The following PTPRN2 variants were observed in gnomAD, a reference collection of about 807,000 sequenced individuals.
PTPRN2 encodes protein tyrosine phosphatase receptor type N2, also known as receptor-type tyrosine-protein phosphatase N2.
In PTPRN2, 74 loss-of-function variants were observed where a neutral mutation model predicts 118.8. The observed-to-expected ratio is 0.62, with a 90% CI of 0.52 to 0.76. The LOEUF is 0.76. PTPRN2 is among the 30% of genes least tolerant of loss of function. The pLI, the probability that PTPRN2 is intolerant of heterozygous loss-of-function variation, is 0.00. For missense variants in PTPRN2, 1,481 were observed against 1,394.4 expected (o/e 1.06, Z -0.99); for synonymous variants, 641 against 608.0 (o/e 1.05, Z -0.80).
At chr7:158,200,350 C>A (rs901043787) in intron 4 of PTPRN2, among the ~76,000 whole-genome samples, 2 of 152,206 alleles carry the variant, frequency 1.3e-5, no homozygotes, top group African/African-American at 4.8e-5. Context: ...CAACAATCCA[C>A]TAATGATGGA....
chr7:158,067,309 C>T (rs567455157), intron 11 of PTPRN2, among the ~76,000 whole-genome samples: 14 of 152,340 alleles, frequency 9.2e-5, no homozygotes, highest in African/African-American at 1.9e-4. Flanking sequence ...GCCGCTGCTC[C>T]GGCCAGCAGG....
At chr7:157,577,205 C>T (rs1800103622) in intron 18 of PTPRN2, among the ~76,000 whole-genome samples, 1 of 152,222 alleles carries the variant, frequency 6.6e-6, no homozygotes, top group Non-Finnish European at 1.5e-5. Flanking sequence ...CGCAGCTGCG[C>T]ACACCCGGGT....
At chr7:158,353,376 T>C (rs1314529286) in intron 2 of PTPRN2, among the ~76,000 whole-genome samples, 1 of 152,258 alleles carries the variant, frequency 6.6e-6, no homozygotes, top group Non-Finnish European at 1.5e-5. Flanking sequence ...GACATTCACT[T>C]GCTAAGCACA....
intron 2 of PTPRN2, among the ~76,000 whole-genome samples, chr7:158,318,954 T>C (rs1802578232): frequency 6.6e-6 from 1 of 152,230 alleles, no homozygotes. Context: ...ATTCAGCTTT[T>C]CATAAAGAAA....
chr7:158,137,311 G>C (rs1196042778), intron 7 of PTPRN2, among the ~76,000 whole-genome samples: 1 of 152,154 alleles, frequency 6.6e-6, no homozygotes, highest in Non-Finnish European at 1.5e-5. Context: ...CAGCTACTTG[G>C]GAGGCTGAGG....
intron 2 of PTPRN2, among the ~76,000 whole-genome samples, chr7:158,446,375 G>A (rs1682288311): frequency 6.6e-6 from 1 of 152,244 alleles, no homozygotes; most frequent in Non-Finnish European, 1.5e-5. Context: ...AGGTGTTGCT[G>A]TGGTCGGACC....
At chr7:158,186,746 G>T (rs1332168766) in intron 5 of PTPRN2, among the ~76,000 whole-genome samples, 3 of 152,126 alleles carry the variant, frequency 2.0e-5, no homozygotes, top group African/African-American at 7.2e-5. Context: ...TTTACTTTCT[G>T]TGTTCCCTCC....
intron 13 of PTPRN2, 123 bp from the exon 14 acceptor site, chr7:157,656,674 G>C: frequency 9.4e-7 from 1 of 1,058,952 alleles, no homozygotes; most frequent in Non-Finnish European, 1.3e-6. Context: ...TCAGGCAGGC[G>C]AGAGTTTACC....
At chr7:158,318,155 C>A (rs1204145830) in intron 2 of PTPRN2, among the ~76,000 whole-genome samples, 1 of 152,148 alleles carries the variant, frequency 6.6e-6, no homozygotes, top group African/African-American at 2.4e-5. Context: ...CCGGCGCCCC[C>A]CACCGTCCGT....
In PTPRN2 at chr7:157,676,613, G is replaced by C. The variant is rs1044252682; in HGVS notation, c.2001+6112C>G. Among the ~76,000 whole-genome samples the C allele has an allele frequency of 2.6e-5, 4 of 152,258 alleles. No individual in the cohort carries two copies. The highest frequency in any genetic ancestry group is 5.9e-5 in the Non-Finnish European group (4 of 68,048). Reference sequence around the variant, plus strand: ...CCCTCAACACCCTGCAGTGGGGACAGCGCAGCTGGGGACCGCCCAGTGCAG... The same window carrying C: ...CCCTCAACACCCTGCAGTGGGGACACCGCAGCTGGGGACCGCCCAGTGCAG... On this transcript the variant is annotated intron_variant, in intron 13 of 22. Transcript: ENST00000389418. The surrounding 1 kb of genome is among the most constrained non-coding windows in gnomAD (Gnocchi z 5.6).
At chr7:158,027,550 A>G (rs4019392) in intron 11 of PTPRN2, 124,343 of 152,142 alleles carry the variant, frequency 0.82, 51,317 homozygotes, top group Non-Finnish European at 0.89. Context: ...GTGGGAACAC[A>G]TGGGCACCCT....
intron 11 of PTPRN2, among the ~76,000 whole-genome samples, chr7:157,943,317 G>A (rs1187502101): frequency 6.6e-6 from 1 of 152,110 alleles, no homozygotes; most frequent in African/African-American, 2.4e-5. Flanking sequence ...AGGGTCTCAG[G>A]GACTTCCCAT....
At chr7:158,227,518 C>T (rs865880818) in intron 3 of PTPRN2, among the ~76,000 whole-genome samples, 10 of 152,100 alleles carry the variant, frequency 6.6e-5, no homozygotes, top group African/African-American at 2.4e-4. Context: ...GGGAAGACCC[C>T]AGGTGGCGAG....
chr7:158,318,749 C>T (rs992111394), intron 2 of PTPRN2, among the ~76,000 whole-genome samples: 14 of 152,242 alleles, frequency 9.2e-5, no homozygotes, highest in African/African-American at 3.1e-4. Flanking sequence ...GGAAAATGCA[C>T]CCCCGGGGTG....
At position 157,990,526 on chromosome 7, in the gene PTPRN2, C is replaced by T. The variant is rs528979131; in HGVS notation, c.1723+90772G>A. ...CATGCCCAACGGTCCCCGCCCTGCA[C>T]CCACCTCTGGCAAGTTCTGGGCAGG... On this transcript the variant is annotated intron_variant, in intron 11 of 22. Coordinates refer to ENST00000389418, the MANE Select transcript of PTPRN2 (RefSeq NM_002847.5). The surrounding 1 kb of genome is among the most constrained non-coding windows in gnomAD (Gnocchi z 4.3). Among the ~76,000 whole-genome samples the T allele has an allele frequency of 6.6e-6, 1 of 152,250 alleles. No individual in the cohort carries two copies. The highest frequency in any genetic ancestry group is 1.9e-4 in the East Asian group (1 of 5,168).
intron 3 of PTPRN2, among the ~76,000 whole-genome samples, chr7:158,223,829 A>T (rs548213724): frequency 6.7e-6 from 1 of 148,816 alleles, no homozygotes; most frequent in South Asian, 2.1e-4. Flanking sequence ...AGGGCAAGAT[A>T]AAAAAAAAAT....
intron 9 of PTPRN2, among the ~76,000 whole-genome samples, chr7:158,123,060 A>G (rs2150398196): frequency 6.6e-6 from 1 of 152,346 alleles, no homozygotes; most frequent in Middle Eastern, 3.4e-3. Context: ...ACCCACCAGG[A>G]GCTAGGGAGC....
At chr7:157,996,921 C>A (rs151216921) in intron 11 of PTPRN2, among the ~76,000 whole-genome samples, 1 of 152,170 alleles carries the variant, frequency 6.6e-6, no homozygotes, top group African/African-American at 2.4e-5. Flanking sequence ...AGGCCCGGGG[C>A]GGGTGTGGGG....
chr7:158,190,336 C>T (rs893530031), intron 5 of PTPRN2, among the ~76,000 whole-genome samples: 3 of 152,202 alleles, frequency 2.0e-5, no homozygotes, highest in Non-Finnish European at 2.9e-5. Context: ...GGATGTCTGG[C>T]GCACCAGACG....
Sources: gnomAD v4.1 joint callset for allele counts (sites outside exome capture counted in the v4.1 genomes callset) on GRCh38, gnomAD v4.1.1 for gene constraint, Gnocchi (gnomAD v3.1) non-coding constraint, MANE v1.5 for transcripts, NCBI Gene and HGNC (gene_info 2026-07-23, HGNC 2026-07-21) for gene names.